GINS2: variants seen among roughly 807,000 people sequenced by gnomAD.
The protein encoded by GINS2 is GINS complex subunit 2, also known as DNA replication complex GINS protein PSF2.
A neutral mutation model predicts 21.2 loss-of-function variants in GINS2; 23 were observed. The observed-to-expected ratio is 1.08, with a 90% CI of 0.78 to 1.53. The LOEUF is 1.53. GINS2 is among the 40% of genes most tolerant of loss of function. The pLI, the probability that GINS2 is intolerant of heterozygous loss-of-function variation, is 0.00. For synonymous variants in GINS2, 118 were observed against 85.6 expected (o/e 1.38, Z -2.09); for missense variants, 323 against 233.9 (o/e 1.38, Z -2.49).
At chr16:85,679,073 C>A (rs891344754) in intron 3 of GINS2, among the ~76,000 whole-genome samples, 1 of 152,316 alleles carries the variant, frequency 6.6e-6, no homozygotes, top group Admixed American at 6.5e-5. Flanking sequence ...TTGAGCAGAT[C>A]TCCCTATTCC....
At position 85,677,976 on chromosome 16, in the gene GINS2, G is replaced by A; in HGVS notation, c.*236C>T. ...TAAGGCTTTTTTATTTCTCAAAAGT[G>A]GGGGGAAAAAGGGCTGGTTTCTAGA... On this transcript the variant is annotated 3_prime_UTR_variant, in exon 5 of 5. Transcript: ENST00000253462. The A allele has an allele frequency of 4.4e-6, 2 of 457,344 alleles. No homozygotes were observed. The highest frequency in any genetic ancestry group is 3.0e-5 in the South Asian group (1 of 33,210). The allele number at this position is 457,344 out of a possible 1,614,324, so 28.3% of individuals were successfully genotyped here. A position where few individuals can be genotyped will look rare whatever the true frequency, so the allele number is the denominator to read the frequency against.
intron 2 of GINS2, among the ~76,000 whole-genome samples, chr16:85,684,025 G>A (rs745532252): frequency 6.6e-6 from 1 of 152,182 alleles, no homozygotes; most frequent in Non-Finnish European, 1.5e-5. Context: ...ATGAAAAGAC[G>A]TGGACAAGAA....
rs2053687137 is a variant in GINS2, at chr16:85,677,429, C to T, written c.*783G>A. 1 of 148,596 alleles carries T rather than the reference C, an allele frequency of 6.7e-6. No homozygotes were observed. The highest frequency in any genetic ancestry group is 1.5e-5 in the Non-Finnish European group (1 of 67,970). The allele number at this position is 148,596 out of a possible 1,614,324, so 9.2% of individuals were successfully genotyped here. The stretch of plus-strand genomic sequence containing the variant: ...TGACTTTTCTTCTAGCATTGTCACT[C>T]ATGCTCAATACATTGTCACTCATGC... On this transcript the variant is annotated 3_prime_UTR_variant, in exon 5 of 5. Coordinates refer to ENST00000253462, the MANE Select transcript of GINS2 (RefSeq NM_016095.3).
At chr16:85,688,752 G>A in intron 1 of GINS2, 57 bp downstream of exon 1, 2 of 1,120,864 alleles carry the variant, frequency 1.8e-6, no homozygotes, top group South Asian at 1.5e-5. Flanking sequence ...AGGCCACGCG[G>A]GAGCCCCGGA....
intron 2 of GINS2, among the ~76,000 whole-genome samples, chr16:85,686,082 C>T (rs1201503057): frequency 6.6e-6 from 1 of 152,074 alleles, no homozygotes; most frequent in African/African-American, 2.4e-5. Context: ...CAGAATAAAG[C>T]CTGTCTGCAT....
chr16:85,681,461 G>A (rs574111215), intron 3 of GINS2, 121 bp downstream of exon 3: 58 of 638,096 alleles, frequency 9.1e-5, no homozygotes, highest in Admixed American at 8.3e-4. Flanking sequence ...GAAACAGGGC[G>A]GCCAGTGTTG....
intron 1 of GINS2, 25 bp from the exon 2 acceptor site, chr16:85,687,599 G>GT: frequency 7.3e-7 from 1 of 1,368,808 alleles, no homozygotes; most frequent in East Asian, 2.4e-5. Context: ...ACAATTCCCC[G>GT]TAAGATTGAA....
chr16:85,682,674 C>T (rs2053744238), intron 2 of GINS2, among the ~76,000 whole-genome samples: 1 of 152,106 alleles, frequency 6.6e-6, no homozygotes, highest in South Asian at 2.1e-4. Flanking sequence ...GAAAGCCCAG[C>T]GTCTAGAATC....
chr16:85,681,868 C>A (rs1291951940), intron 2 of GINS2, among the ~76,000 whole-genome samples, 187 bp from the exon 3 acceptor site: 1 of 152,116 alleles, frequency 6.6e-6, no homozygotes, highest in African/African-American at 2.4e-5. Context: ...TTGAAACTTT[C>A]TCTCCAAAAG....
chr16:85,681,446 C>A, intron 3 of GINS2, 136 bp downstream of exon 3: 1 of 619,794 alleles, frequency 1.6e-6, no homozygotes, highest in Non-Finnish European at 2.9e-6. Flanking sequence ...TGGTCACTGA[C>A]CTGAGAAACA....
chr16:85,685,510 A>C (rs1445906516), intron 2 of GINS2, among the ~76,000 whole-genome samples: 1 of 151,706 alleles, frequency 6.6e-6, no homozygotes, highest in African/African-American at 2.4e-5. Context: ...CTAAAAAAAA[A>C]AAATCAAAAA....
intron 2 of GINS2, among the ~76,000 whole-genome samples, chr16:85,685,743 G>C (rs904763625): frequency 6.8e-6 from 1 of 147,484 alleles, no homozygotes; most frequent in African/African-American, 2.5e-5. Context: ...AGGACTACCT[G>C]AGTCACTTGC....
In GINS2 at chr16:85,683,575, G is replaced by A. The variant is rs188564280; in HGVS notation, c.206-1894C>T. Among the ~76,000 whole-genome samples, 250 of 152,264 alleles carry A rather than the reference G, an allele frequency of 1.6e-3. 1 individual carries two copies. The highest frequency in any genetic ancestry group is 1.9e-3 in the Non-Finnish European group (127 of 68,010). On this transcript the variant is annotated intron_variant, in intron 2 of 4. Coordinates refer to ENST00000253462, the MANE Select transcript of GINS2 (RefSeq NM_016095.3). The stretch of plus-strand genomic sequence containing the variant: ...TCCTGGGCCTCCAGCCAAGAGCCTG[G>A]CTGTCAGCTTTCACTCTTCTCCCTC...
At position 85,677,238 on chromosome 16, in the gene GINS2, G is replaced by A. The variant is rs933279090; in HGVS notation, c.*974C>T. 1 of 152,094 alleles carries A rather than the reference G, an allele frequency of 6.6e-6. No homozygotes were observed. Among genetic ancestry groups the A allele is most frequent in the Admixed American group, 6.5e-5 (1 of 15,272 alleles). 9.4% of individuals were successfully genotyped at this position (152,094 alleles called of 1,614,324 possible). A position where few individuals can be genotyped will look rare whatever the true frequency, so the allele number is the denominator to read the frequency against. On this transcript the variant is annotated 3_prime_UTR_variant, in exon 5 of 5. Coordinates refer to ENST00000253462, the MANE Select transcript of GINS2 (RefSeq NM_016095.3). Reference sequence around the variant, plus strand: ...TTCTATCCATTGCATGATGCTGGACGATCATTTCACCTCTCAAGGTAATGT... The same window carrying A: ...TTCTATCCATTGCATGATGCTGGACAATCATTTCACCTCTCAAGGTAATGT...
chr16:85,687,541 C>A lies in GINS2; in HGVS notation c.124G>T (p.Val42Leu), dbSNP rs376844262. The A allele has an allele frequency of 6.3e-6, 10 of 1,591,196 alleles. No individual in the cohort carries two copies. The African/African-American group carries it at 1.2e-4, about 19-fold the overall frequency. ...ATCGCCAGCCACAGGGGCACTTCCA[C>A]GGGTAAACCAGGGTTAAAAGGCCCC... is the stretch of plus-strand genomic sequence containing the variant. The part of the protein sequence containing the change: ...DLGPFNPGLP[V>L]EVPLWLAINL... The change falls in exon 2 of 5, where the codon GTG (valine) becomes TTG (leucine). Residue 42 changes from valine (V) to leucine (L), a missense_variant. Transcript: ENST00000253462.
chr16:85,684,467 C>G (rs1011857746), intron 2 of GINS2, among the ~76,000 whole-genome samples: 1 of 152,162 alleles, frequency 6.6e-6, no homozygotes, highest in Non-Finnish European at 1.5e-5. Context: ...TGAATAACCA[C>G]TGCAATTCAG....
At chr16:85,686,108 G>A (rs1002867267) in intron 2 of GINS2, among the ~76,000 whole-genome samples, 3 of 152,092 alleles carry the variant, frequency 2.0e-5, no homozygotes, top group African/African-American at 7.2e-5. Context: ...ATTTGTTTCA[G>A]TTTTTTCTAG....
Position 85,677,455 on chromosome 16 carries a change from T to C in GINS2, c.*757A>G, listed in dbSNP as rs1233816138. 6.6e-6 allele frequency: 1 copy of C among 152,246 alleles called. No homozygotes were observed. Among genetic ancestry groups the C allele is most frequent in the Non-Finnish European group, 1.5e-5 (1 of 68,056 alleles). 9.4% of individuals were successfully genotyped at this position (152,246 alleles called of 1,614,324 possible). On this transcript the variant is annotated 3_prime_UTR_variant, in exon 5 of 5. Transcript: ENST00000253462. ...ATGCTCAATACATTGTCACTCATGC[T>C]CAATACATTGGATTCGTTTTTTTCC... is the stretch of plus-strand genomic sequence containing the variant.
chr16:85,681,303 A>G (rs2053730143), intron 3 of GINS2, among the ~76,000 whole-genome samples: 1 of 152,242 alleles, frequency 6.6e-6, no homozygotes, highest in African/African-American at 2.4e-5. Context: ...AGGCAGAACA[A>G]AAAGAGCCAA....
Sources: allele counts gnomAD v4.1 joint callset (sites outside exome capture counted in the v4.1 genomes callset), GRCh38; gene constraint gnomAD v4.1.1; transcripts MANE v1.5; gene names NCBI Gene and HGNC (gene_info 2026-07-23, HGNC 2026-07-21).